Variants in ST3GAL1 observed in about 807,000 individuals in gnomAD.
The protein encoded by ST3GAL1 is CMP-N-acetylneuraminate-beta-galactosamide-alpha-2,3-sialyltransferase 1.
Under a neutral mutation model 34.1 loss-of-function variants are expected in ST3GAL1, and 16 were observed. The observed-to-expected ratio is 0.47, with a 90% CI of 0.32 to 0.71. ST3GAL1 has a LOEUF of 0.71. Ranked by LOEUF, ST3GAL1 falls within the 30% of genes least tolerant of loss-of-function variation. The pLI, the probability that ST3GAL1 is intolerant of heterozygous loss-of-function variation, is 0.04. For missense variants in ST3GAL1, 353 were observed against 447.4 expected (o/e 0.79, Z 1.90); for synonymous variants, 191 against 184.7 (o/e 1.03, Z -0.28).
chr8:133,457,150 T>A lies in ST3GAL1; in HGVS notation c.*2614A>T, dbSNP rs1256509071. 6.6e-6 allele frequency: 1 copy of A among 152,202 alleles called. No individual in the cohort carries two copies. The highest frequency in any genetic ancestry group is 1.9e-4 in the East Asian group (1 of 5,192). The allele number at this position is 152,202 out of a possible 1,614,324, so 9.4% of individuals were successfully genotyped here. ...CAGCTGCAATGTGGCCTTGATTTTC[T>A]CATCAGTAAAATGGGAAAGCTGGAT... is the stretch of plus-strand genomic sequence containing the variant. On this transcript the variant is annotated 3_prime_UTR_variant, in exon 10 of 10. Coordinates refer to ENST00000522652, the MANE Select transcript of ST3GAL1 (RefSeq NM_173344.3).
intron 1 of ST3GAL1, among the ~76,000 whole-genome samples, chr8:133,554,085 A>G (rs544671535): frequency 4.6e-5 from 7 of 152,310 alleles, no homozygotes; most frequent in Admixed American, 4.6e-4. Flanking sequence ...TCTGATTCTC[A>G]TCAAAGGTGG....
In ST3GAL1 at chr8:133,467,303, G is replaced by A. The variant is rs1011174798; in HGVS notation, c.307-1213C>T. ...TGGCCCCCGCTGCATGCCCAGGCCC[G>A]CCCGTCACCTCAGGTGGAGCTCTGG... On this transcript the variant is annotated intron_variant, in intron 5 of 9. Coordinates refer to ENST00000522652, the MANE Select transcript of ST3GAL1 (RefSeq NM_173344.3). This position sits in a 1 kb window ranked among gnomAD's most constrained non-coding sequence, Gnocchi z 4.2. Among the ~76,000 whole-genome samples the A allele has an allele frequency of 2.6e-5, 4 of 152,104 alleles. No individual in the cohort carries two copies. The highest frequency in any genetic ancestry group is 2.9e-5 in the Non-Finnish European group (2 of 68,014).
At chr8:133,544,304 T>C (rs1006628305) in intron 2 of ST3GAL1, among the ~76,000 whole-genome samples, 13 of 152,222 alleles carry the variant, frequency 8.5e-5, no homozygotes, top group Admixed American at 2.0e-4. Context: ...CCCCCAGTCT[T>C]GTCCCATAAG....
intron 2 of ST3GAL1, among the ~76,000 whole-genome samples, chr8:133,509,931 C>T (rs1320799353): frequency 2.0e-5 from 3 of 151,998 alleles, no homozygotes; most frequent in Admixed American, 6.5e-5. Flanking sequence ...TGGTGGCACA[C>T]GCCTGTATTC....
intron 2 of ST3GAL1, among the ~76,000 whole-genome samples, chr8:133,507,654 C>T (rs924182449): frequency 1.3e-5 from 2 of 152,184 alleles, no homozygotes; most frequent in African/African-American, 4.8e-5. Flanking sequence ...TCTTTCTTCT[C>T]CAGGCCAGCC....
intron 3 of ST3GAL1, among the ~76,000 whole-genome samples, chr8:133,490,209 G>A (rs1242468044): frequency 6.6e-6 from 1 of 152,164 alleles, no homozygotes; most frequent in Non-Finnish European, 1.5e-5. Context: ...TTTTACAGAA[G>A]GGGATGCTGA....
At chr8:133,475,694 A>T in intron 5 of ST3GAL1, 25 bp downstream of exon 5, 1 of 1,551,838 alleles carries the variant, frequency 6.4e-7, no homozygotes, top group Non-Finnish European at 8.7e-7. Context: ...CTCAGCCCAG[A>T]CCCCGCTCTC....
chr8:133,465,086 C>T (rs1444006817), intron 6 of ST3GAL1, 129 bp from the exon 7 acceptor site: 1 of 854,224 alleles, frequency 1.2e-6, no homozygotes, highest in Admixed American at 2.8e-5. Context: ...GGGCCTCCTT[C>T]TCCTCATCTG....
At chr8:133,529,860 T>A (rs1380793532) in intron 2 of ST3GAL1, among the ~76,000 whole-genome samples, 1 of 152,184 alleles carries the variant, frequency 6.6e-6, no homozygotes, top group African/African-American at 2.4e-5. Context: ...TCCTCAAGTC[T>A]CTGCTCATCT....
Position 133,491,476 on chromosome 8 carries a change from A to G in ST3GAL1, c.-374+7659T>C, listed in dbSNP as rs745458950. On this transcript the variant is annotated intron_variant, in intron 3 of 9. Transcript: ENST00000522652. ...TCAGGCATCTGTCGCTGGTTCTAAA[A>G]CCCTCAGCATAAAGGAAGGGCTGGA... Among the ~76,000 whole-genome samples, 78 of 152,174 alleles carry G rather than the reference A, an allele frequency of 5.1e-4. No individual in the cohort carries two copies. In the Middle Eastern group the frequency reaches 0.024, roughly 46 times the overall value.
chr8:133,545,934 A>G lies in ST3GAL1; in HGVS notation c.-581-8T>C, dbSNP rs1818660374. ...ATCTGAAAATGGTACCAACTGAAAG[A>G]GAAGAGGAGAAAAGTTTAAGTCAGT... On this transcript the variant is annotated splice_region_variant and splice_polypyrimidine_tract_variant and intron_variant, in intron 1 of 9. Coordinates refer to ENST00000522652, the MANE Select transcript of ST3GAL1 (RefSeq NM_173344.3). 1 of 152,220 alleles carries G rather than the reference A, an allele frequency of 6.6e-6. No individual in the cohort carries two copies. The highest frequency in any genetic ancestry group is 2.4e-5 in the African/African-American group (1 of 41,464). 9.4% of individuals were successfully genotyped at this position (152,220 alleles called of 1,614,324 possible).
chr8:133,539,615 G>A (rs1376125468), intron 2 of ST3GAL1: 2 of 152,018 alleles, frequency 1.3e-5, no homozygotes, highest in African/African-American at 4.8e-5. Flanking sequence ...TATTATCATC[G>A]GCCAGTTATG....
chr8:133,557,311 C>T (rs554134138), intron 1 of ST3GAL1, among the ~76,000 whole-genome samples: 242 of 152,318 alleles, frequency 1.6e-3, no homozygotes, highest in African/African-American at 5.6e-3. Context: ...ACGCGTGGCA[C>T]AATGGGGTCC....
Position 133,530,335 on chromosome 8 carries a change from G to A in ST3GAL1, c.-429+15439C>T, listed in dbSNP as rs568416907. On this transcript the variant is annotated intron_variant, in intron 2 of 9. Transcript: ENST00000522652. Reference sequence around the variant, plus strand: ...TTGCTCTTGTGGCCCAGGCTAAAGTGCAATGACACCATCTCGGCTCACTGC... The same window carrying A: ...TTGCTCTTGTGGCCCAGGCTAAAGTACAATGACACCATCTCGGCTCACTGC... 4.7e-5 allele frequency among the ~76,000 whole-genome samples: 7 copies of A among 150,534 alleles called. No homozygotes were observed. In the East Asian group the frequency reaches 1.4e-3, roughly 29 times the overall value.
At chr8:133,502,911 C>A (rs940973601) in intron 2 of ST3GAL1, among the ~76,000 whole-genome samples, 7 of 152,348 alleles carry the variant, frequency 4.6e-5, no homozygotes, top group African/African-American at 1.4e-4. Context: ...TGACATTGGG[C>A]TTGGCCATGT....
In ST3GAL1 at chr8:133,466,850, G is replaced by A. The variant is rs1815752141; in HGVS notation, c.307-760C>T. 6.6e-6 allele frequency among the ~76,000 whole-genome samples: 1 copy of A among 152,194 alleles called. No individual in the cohort carries two copies. Among genetic ancestry groups the A allele is most frequent in the Non-Finnish European group, 1.5e-5 (1 of 68,022 alleles). On this transcript the variant is annotated intron_variant, in intron 5 of 9. Transcript: ENST00000522652. This position sits in a 1 kb window ranked among gnomAD's most constrained non-coding sequence, Gnocchi z 4.4. ...GCGGTGGCTCACACCTGTAATCCCAGCACTTTGGGAGACCGAGGCAGGTGG... is the reference window on the plus strand; with the variant it reads ...GCGGTGGCTCACACCTGTAATCCCAACACTTTGGGAGACCGAGGCAGGTGG...
chr8:133,491,522 G>A (rs954501853), intron 3 of ST3GAL1, among the ~76,000 whole-genome samples: 2 of 152,018 alleles, frequency 1.3e-5, no homozygotes, highest in Admixed American at 1.3e-4. Flanking sequence ...CTCTGGAGCC[G>A]AGATTCACAG....
intron 7 of ST3GAL1, among the ~76,000 whole-genome samples, chr8:133,464,520 G>C (rs1815651044): frequency 6.6e-6 from 1 of 152,260 alleles, no homozygotes; most frequent in Admixed American, 6.5e-5. Context: ...CCTTCCCATA[G>C]AGTCTCCAGG....
intron 3 of ST3GAL1, among the ~76,000 whole-genome samples, chr8:133,490,208 A>G (rs1245522529): frequency 2.0e-5 from 3 of 152,110 alleles, no homozygotes; most frequent in Non-Finnish European, 4.4e-5. Context: ...ATTTTACAGA[A>G]GGGGATGCTG....
Sources: allele counts gnomAD v4.1 joint callset (sites outside exome capture counted in the v4.1 genomes callset), GRCh38; gene constraint gnomAD v4.1.1; non-coding constraint Gnocchi (gnomAD v3.1); transcripts MANE v1.5; gene names NCBI Gene and HGNC (gene_info 2026-07-23, HGNC 2026-07-21).